Variants in PLEKHM2 observed in about 807,000 individuals in gnomAD.
PLEKHM2 encodes pleckstrin homology domain-containing family M member 2.
In PLEKHM2, 77 loss-of-function variants were observed where a neutral mutation model predicts 116.3. The ratio of observed to expected loss-of-function variants is 0.66; its 90% CI spans 0.55 to 0.80. The LOEUF (loss-of-function observed/expected upper bound fraction) is 0.80, where lower values mean the gene tolerates loss of function less well. Ranked by LOEUF, PLEKHM2 falls within the 30% of genes least tolerant of loss-of-function variation. The probability of loss-of-function intolerance (pLI) is 0.00; values close to 1 mark genes in which losing one functional copy is unlikely to be tolerated. For missense variants in PLEKHM2, 1,183 were observed against 1,354.9 expected, an observed-to-expected ratio of 0.87 and a Z score of 1.99; for synonymous variants, 562 against 571.0, an observed-to-expected ratio of 0.98 and a Z score of 0.22.
At chr1:15,702,219 G>A (rs529961307) in intron 1 of PLEKHM2, among the ~76,000 whole-genome samples, 7 of 152,242 alleles carry the variant, frequency 4.6e-5, no homozygotes, top group African/African-American at 4.8e-5. Context: ...CATGGGACGC[G>A]TCCTCACCCA....
rs759843517 is a variant in PLEKHM2, at chr1:15,732,415, C to T, written c.2691C>T (p.Arg897=). 1.3e-6 allele frequency: 2 copies of T among 1,576,686 alleles called. No homozygotes were observed. The highest frequency in any genetic ancestry group is 2.3e-5 in the South Asian group (2 of 86,080). ...IPCCLVLTDD[R]LFTCHEDCQT... is the part of the protein sequence containing the mutation. ...GCTGCCTGGTCCTCACGGATGACCG[C>T]CTCTTTACGTGCCATGAGGATTGCC... The change falls in exon 18 of 20, where the codon CGC becomes CGT. Residue 897 remains arginine (R), a synonymous_variant. Transcript: ENST00000375799.
intron 8 of PLEKHM2, 142 bp downstream of exon 8, chr1:15,725,687 G>A (rs993927034): frequency 1.6e-6 from 1 of 631,334 alleles, no homozygotes; most frequent in African/African-American, 1.8e-5. Context: ...CCCACCTCTA[G>A]GAGGTTCTTT....
In PLEKHM2 at chr1:15,734,221, C is replaced by T. The variant is rs903081657; in HGVS notation, c.*287C>T. On this transcript the variant is annotated 3_prime_UTR_variant, in exon 20 of 20. Transcript: ENST00000375799. ...GATGCACGCCCTCCTCCCGGGCCTC[C>T]GCCTCAGTCTGCAGAATTTCTGCCG... 4 of 404,514 alleles carry T rather than the reference C, an allele frequency of 9.9e-6. No individual in the cohort carries two copies. The highest frequency in any genetic ancestry group is 4.4e-5 in the Admixed American group (1 of 22,552). 25.1% of individuals were successfully genotyped at this position (404,514 alleles called of 1,614,324 possible). A position where few individuals can be genotyped will look rare whatever the true frequency, so the allele number is the denominator to read the frequency against.
intron 7 of PLEKHM2, among the ~76,000 whole-genome samples, chr1:15,724,407 C>A (rs765273334): frequency 6.6e-6 from 1 of 151,736 alleles, no homozygotes; most frequent in African/African-American, 2.4e-5. Context: ...CACTTGAACC[C>A]GGGAGTTGGA....
At position 15,734,051 on chromosome 1, in the gene PLEKHM2, G is replaced by A. The variant is rs1168646730; in HGVS notation, c.*117G>A. On this transcript the variant is annotated 3_prime_UTR_variant, in exon 20 of 20. Coordinates refer to ENST00000375799, the MANE Select transcript of PLEKHM2 (RefSeq NM_015164.4). ...CCTACAGTCCACCCCTGCCCTGGGCGGCAGAACCACCGAGTGTGGCTTAAG... is the reference window on the plus strand; with the variant it reads ...CCTACAGTCCACCCCTGCCCTGGGCAGCAGAACCACCGAGTGTGGCTTAAG... 13 of 1,182,162 alleles carry A rather than the reference G, an allele frequency of 1.1e-5. No homozygotes were observed. The highest frequency in any genetic ancestry group is 1.5e-5 in the African/African-American group (1 of 64,686). The allele number at this position is 1,182,162 out of a possible 1,614,324, so 73.2% of individuals were successfully genotyped here.
intron 1 of PLEKHM2, among the ~76,000 whole-genome samples, chr1:15,692,740 A>G (rs1311001433): frequency 6.6e-6 from 1 of 151,466 alleles, no homozygotes. Flanking sequence ...TCCATGCCCC[A>G]TTCACTTTTT....
chr1:15,728,862 CAGAG>C lies in PLEKHM2; in HGVS notation c.1986+132_1986+135del. On this transcript the variant is annotated intron_variant, in intron 12 of 19. Transcript: ENST00000375799. This position sits in a 1 kb window ranked among gnomAD's most constrained non-coding sequence, Gnocchi z 5.9. ...CGGGGTTGGGCACCAACTTAACTCT[CAGAG>C]AGGCTTCTGTACACGATGCTGGGGG... is the stretch of plus-strand genomic sequence containing the variant. 1 of 894,452 alleles carries C rather than the reference CAGAG, an allele frequency of 1.1e-6. No homozygotes were observed. Among genetic ancestry groups the C allele is most frequent in the Admixed American group, 2.2e-5 (1 of 46,258 alleles). 55.4% of individuals were successfully genotyped at this position (894,452 alleles called of 1,614,324 possible).
At position 15,733,835 on chromosome 1, in the gene PLEKHM2, CAAG is replaced by C. The variant is rs766206014; in HGVS notation, c.2967_2969del (p.Lys990del). ...ACACGGCGATCCAGGAAGCCTCCAACAAGAAGAAATTCGAGGATGCCTTGAGCC... is the reference window on the plus strand; with the variant it reads ...ACACGGCGATCCAGGAAGCCTCCAACAAGAAATTCGAGGATGCCTTGAGCC... On this transcript the variant is annotated inframe_deletion, in exon 20 of 20. Coordinates refer to ENST00000375799, the MANE Select transcript of PLEKHM2 (RefSeq NM_015164.4). 14 of 1,613,036 alleles carry C rather than the reference CAAG, an allele frequency of 8.7e-6. No homozygotes were observed. The highest frequency in any genetic ancestry group is 3.3e-5 in the Admixed American group (2 of 60,000).
In PLEKHM2 at chr1:15,728,210, G is replaced by T. The variant is rs184724388; in HGVS notation, c.1831-57G>T. On this transcript the variant is annotated intron_variant, in intron 10 of 19. Transcript: ENST00000375799. The surrounding 1 kb of genome is among the most constrained non-coding windows in gnomAD (Gnocchi z 5.9). ...CAAGGGCAAGGCGGGATGGGCCACCGCCCCCGCTGGAGCGGCAGGAGCCAC... is the reference window on the plus strand; with the variant it reads ...CAAGGGCAAGGCGGGATGGGCCACCTCCCCCGCTGGAGCGGCAGGAGCCAC... 1.6e-5 allele frequency: 25 copies of T among 1,603,528 alleles called. No individual in the cohort carries two copies. In the African/African-American group the frequency reaches 2.9e-4, roughly 19 times the overall value.
rs2067953861 is a variant in PLEKHM2 at position 15,719,269 on chromosome 1, GCGAAAC to G, written c.466-463_466-458del. 6.6e-6 allele frequency among the ~76,000 whole-genome samples: 1 copy of G among 152,144 alleles called. No individual in the cohort carries two copies. Among genetic ancestry groups the G allele is most frequent in the South Asian group, 2.1e-4 (1 of 4,820 alleles). On this transcript the variant is annotated intron_variant, in intron 5 of 19. Coordinates refer to ENST00000375799, the MANE Select transcript of PLEKHM2 (RefSeq NM_015164.4). The surrounding 1 kb of genome is among the most constrained non-coding windows in gnomAD (Gnocchi z 4.1). ...GTTCGAGACCAGCCTGGCCAACATG[GCGAAAC>G]CTCGTCTCTACTAAAAAAATACAAA... is the stretch of plus-strand genomic sequence containing the variant.
intron 1 of PLEKHM2, among the ~76,000 whole-genome samples, chr1:15,694,737 A>G (rs1218623561): frequency 2.0e-5 from 3 of 150,764 alleles, no homozygotes; most frequent in African/African-American, 7.3e-5. Context: ...ATTCTCCTCC[A>G]TGCTGTGTAT....
At chr1:15,731,343 C>A in intron 16 of PLEKHM2, 86 bp downstream of exon 16, 2 of 1,036,368 alleles carry the variant, frequency 1.9e-6, no homozygotes, top group South Asian at 1.4e-5. Flanking sequence ...GTTGGCAGTT[C>A]AGCCTCGCCC....
At position 15,729,898 on chromosome 1, in the gene PLEKHM2, C is replaced by T. The variant is rs774436818; in HGVS notation, c.2177C>T (p.Ala726Val). The change falls in exon 14 of 20, where the codon GCC becomes GTC. Residue 726 changes from alanine (A) to valine (V), a missense_variant. By Grantham distance (64) the Ala-to-Val change is moderately conservative (BLOSUM62 0). Coordinates refer to ENST00000375799, the MANE Select transcript of PLEKHM2 (RefSeq NM_015164.4). This position sits in a 1 kb window ranked among gnomAD's most constrained non-coding sequence, Gnocchi z 4.7. The part of the protein sequence containing the change: ...TDATMEKLAL[A>V]KFVAQESKCE... ...GCCACCATGGAGAAGCTGGCACTGG[C>T]CAAATTTGTGGCCCAAGAATCGAAG... 3 of 1,612,892 alleles carry T rather than the reference C, an allele frequency of 1.9e-6. No homozygotes were observed. The highest frequency in any genetic ancestry group is 2.5e-6 in the Non-Finnish European group (3 of 1,179,752).
rs1278449956 is a variant in PLEKHM2, at chr1:15,725,450, C to T, written c.846C>T (p.Ser282=). ...AGGAGCCGGCAGAGACTGTGTCCTC[C>T]TCTGACACCACCCCCGTGCACACCA... ...FNEEPAETVS[S]SDTTPVHTTS... The change falls in exon 8 of 20, where the codon TCC becomes TCT. Residue 282 remains serine (S), a synonymous_variant. Coordinates refer to ENST00000375799, the MANE Select transcript of PLEKHM2 (RefSeq NM_015164.4). 20 of 1,570,986 alleles carry T rather than the reference C, an allele frequency of 1.3e-5. No individual in the cohort carries two copies. Among genetic ancestry groups the T allele is most frequent in the Non-Finnish European group, 1.6e-5 (19 of 1,159,024 alleles).
intron 8 of PLEKHM2, 107 bp from the exon 9 acceptor site, chr1:15,726,907 G>C (rs1020768553): frequency 2.9e-6 from 2 of 694,286 alleles, no homozygotes; most frequent in African/African-American, 3.6e-5. Context: ...CGCACTAGCT[G>C]TGCCCTCAGA....
chr1:15,708,736 T>G (rs183809946), intron 1 of PLEKHM2, among the ~76,000 whole-genome samples: 242 of 152,292 alleles, frequency 1.6e-3, no homozygotes, highest in African/African-American at 5.6e-3. Flanking sequence ...GTCTAACATT[T>G]TACATACATT....
chr1:15,685,821 A>G (rs1238131893), intron 1 of PLEKHM2, among the ~76,000 whole-genome samples: 1 of 152,228 alleles, frequency 6.6e-6, no homozygotes, highest in East Asian at 1.9e-4. Flanking sequence ...AGCTAAAGTA[A>G]CATTGCAGAG....
chr1:15,727,143 C>T lies in PLEKHM2; in HGVS notation c.1071C>T (p.Ser357=). 1 of 1,596,080 alleles carries T rather than the reference C, an allele frequency of 6.3e-7. No homozygotes were observed. The highest frequency in any genetic ancestry group is 8.5e-7 in the Non-Finnish European group (1 of 1,170,872). ...KQGDGDSRNG[S]PSLGRDSPDT... is the part of the protein sequence containing the mutation. ...GGGACGGTGACAGCCGCAACGGCAG[C>T]CCAAGCCTTGGGCGGGACTCGCCAG... The change falls in exon 9 of 20, where the codon AGC becomes AGT. Residue 357 remains serine, a synonymous_variant. Coordinates refer to ENST00000375799, the MANE Select transcript of PLEKHM2 (RefSeq NM_015164.4). The surrounding 1 kb of genome is among the most constrained non-coding windows in gnomAD (Gnocchi z 7.5).
At chr1:15,722,579 C>G (rs1453759484) in intron 7 of PLEKHM2, 1 of 152,178 alleles carries the variant, frequency 6.6e-6, no homozygotes, top group Non-Finnish European at 1.5e-5. Flanking sequence ...CGTGGCTCTC[C>G]CCGCATTATT....
Sources: allele counts gnomAD v4.1 joint callset (sites outside exome capture counted in the v4.1 genomes callset), GRCh38; gene constraint gnomAD v4.1.1; non-coding constraint Gnocchi (gnomAD v3.1); transcripts MANE v1.5; gene names NCBI Gene and HGNC (gene_info 2026-07-23, HGNC 2026-07-21).